The following PTGFRN variants were observed in gnomAD, a reference collection of about 807,000 sequenced individuals.
PTGFRN encodes the protein prostaglandin F2 receptor inhibitor.
PTGFRN carries 35 observed loss-of-function variants against 83.2 expected under a neutral mutation model. The ratio of observed to expected loss-of-function variants is 0.42; its 90% CI spans 0.32 to 0.56. The LOEUF (loss-of-function observed/expected upper bound fraction) is 0.56. Among genes scored for constraint, PTGFRN ranks in the 20% least tolerant of loss-of-function variants. PTGFRN has a pLI of 0.11. For missense variants in PTGFRN, 1,051 were observed against 1,179.5 expected (o/e 0.89, Z 1.60); for synonymous variants, 519 against 498.6 (o/e 1.04, Z -0.55).
chr1:116,957,853 G>C (rs1163532491), intron 4 of PTGFRN, among the ~76,000 whole-genome samples: 1 of 152,100 alleles, frequency 6.6e-6, no homozygotes, highest in Non-Finnish European at 1.5e-5. Flanking sequence ...ACATGCGAGT[G>C]ACATTATGTG....
At position 116,988,616 on chromosome 1, in the gene PTGFRN, G is replaced by T. The variant is rs567177369; in HGVS notation, c.*1649G>T. On this transcript the variant is annotated 3_prime_UTR_variant, in exon 9 of 9. Coordinates refer to ENST00000393203, the MANE Select transcript of PTGFRN (RefSeq NM_020440.4). ...AATACAAAATGATGGCCATTCATGT[G>T]CAGCTCTTTGTCACCATGGGCCGGA... 1 of 152,952 alleles carries T rather than the reference G, an allele frequency of 6.5e-6. No homozygotes were observed. The highest frequency in any genetic ancestry group is 2.1e-4 in the South Asian group (1 of 4,830). The allele number at this position is 152,952 out of a possible 1,614,324, so 9.5% of individuals were successfully genotyped here.
intron 1 of PTGFRN, among the ~76,000 whole-genome samples, chr1:116,920,941 A>C (rs1256544756): frequency 6.6e-6 from 1 of 152,190 alleles, no homozygotes; most frequent in Non-Finnish European, 1.5e-5. Flanking sequence ...TGAAATTCTG[A>C]CATCTCCAAC....
At chr1:116,959,645 T>G (rs530476230) in intron 4 of PTGFRN, among the ~76,000 whole-genome samples, 3 of 152,180 alleles carry the variant, frequency 2.0e-5, no homozygotes, top group African/African-American at 7.2e-5. Flanking sequence ...GTATTATTTT[T>G]CTCCCAGAAG....
rs1650560804 is a variant in PTGFRN, at chr1:116,958,567, T to TATATGA, written c.1214-2670_1214-2665dup. Among the ~76,000 whole-genome samples, 1 of 152,152 alleles carries TATATGA rather than the reference T, an allele frequency of 6.6e-6. No individual in the cohort carries two copies. The highest frequency in any genetic ancestry group is 1.5e-5 in the Non-Finnish European group (1 of 68,026). Reference sequence around the variant, plus strand: ...TCACAAATATATACACGTGTATGTGTATATGAATATGTGTGTACCTGCATA... The same window carrying TATATGA: ...TCACAAATATATACACGTGTATGTGTATATGAATATGAATATGTGTGTACCTGCATA... On this transcript the variant is annotated intron_variant, in intron 4 of 8. Transcript: ENST00000393203. This position sits in a 1 kb window ranked among gnomAD's most constrained non-coding sequence, Gnocchi z 4.9.
At chr1:116,928,628 A>C (rs1407229543) in intron 1 of PTGFRN, among the ~76,000 whole-genome samples, 1 of 151,754 alleles carries the variant, frequency 6.6e-6, no homozygotes, top group Admixed American at 6.6e-5. Context: ...TGGCATCTTT[A>C]CCGCAGCTCA....
intron 7 of PTGFRN, among the ~76,000 whole-genome samples, chr1:116,976,820 G>A (rs999397457): frequency 5.3e-5 from 8 of 152,110 alleles, no homozygotes; most frequent in South Asian, 2.1e-4. Context: ...ATCAAGTAAC[G>A]AGCAAAATAA....
In PTGFRN at chr1:116,990,089, G is replaced by A. The variant is rs1651675805; in HGVS notation, c.*3122G>A. On this transcript the variant is annotated 3_prime_UTR_variant, in exon 9 of 9. Transcript: ENST00000393203. ...GACAACAGAGGAAGAAGGGAACTGG[G>A]ATTTGGGTAAGTTCTCCTCCACTGT... The A allele has an allele frequency of 6.6e-6, 1 of 152,624 alleles. No individual in the cohort carries two copies. Among genetic ancestry groups the A allele is most frequent in the Non-Finnish European group, 1.5e-5 (1 of 68,030 alleles). The allele number at this position is 152,624 out of a possible 1,614,324, so 9.5% of individuals were successfully genotyped here. A position where few individuals can be genotyped will look rare whatever the true frequency, so the allele number is the denominator to read the frequency against.
intron 1 of PTGFRN, among the ~76,000 whole-genome samples, chr1:116,926,007 G>A (rs1426952338): frequency 2.0e-5 from 3 of 152,142 alleles, no homozygotes; most frequent in South Asian, 2.1e-4. Flanking sequence ...AGGGAAGCTC[G>A]GCATAGACCC....
intron 2 of PTGFRN, among the ~76,000 whole-genome samples, chr1:116,943,120 A>G (rs1386214026): frequency 2.6e-5 from 4 of 152,216 alleles, no homozygotes; most frequent in Non-Finnish European, 1.5e-5. Context: ...ATGATATAAA[A>G]AGCGAGGGTT....
At chr1:116,912,985 C>T (rs1210343163) in intron 1 of PTGFRN, among the ~76,000 whole-genome samples, 1 of 152,238 alleles carries the variant, frequency 6.6e-6, no homozygotes, top group Admixed American at 6.5e-5. Flanking sequence ...CATCCATTGC[C>T]TATGTCTGAC....
At chr1:116,944,283 C>A (rs1426874958) in intron 2 of PTGFRN, among the ~76,000 whole-genome samples, 1 of 152,224 alleles carries the variant, frequency 6.6e-6, no homozygotes, top group Non-Finnish European at 1.5e-5. Flanking sequence ...GAGTGCCAGG[C>A]ACGGTCCTGG....
intron 7 of PTGFRN, among the ~76,000 whole-genome samples, chr1:116,978,835 C>A (rs1651230964): frequency 6.6e-6 from 1 of 152,108 alleles, no homozygotes; most frequent in South Asian, 2.1e-4. Context: ...CCCTCTCTCA[C>A]CACTCCTATT....
chr1:116,927,705 A>T lies in PTGFRN; in HGVS notation c.50-14010A>T, dbSNP rs1053456182. Among the ~76,000 whole-genome samples, 87 of 143,274 alleles carry T rather than the reference A, an allele frequency of 6.1e-4. 1 individual carries two copies. The highest frequency in any genetic ancestry group is 1.0e-3 in the Non-Finnish European group (65 of 64,992). The allele number at this position is 143,274 out of a possible 152,430, so 94.0% of individuals were successfully genotyped here. On this transcript the variant is annotated intron_variant, in intron 1 of 8. Coordinates refer to ENST00000393203, the MANE Select transcript of PTGFRN (RefSeq NM_020440.4). The stretch of plus-strand genomic sequence containing the variant: ...CATGCCACCATGCCCAGCTAATTAA[A>T]TTTTTTTTTTTTTTATAGAGACGAG...
chr1:116,944,664 T>A lies in PTGFRN; in HGVS notation c.419-15T>A. The A allele has an allele frequency of 7.1e-7, 1 of 1,406,552 alleles. No individual in the cohort carries two copies. Among genetic ancestry groups the A allele is most frequent in the South Asian group, 1.7e-5 (1 of 57,410 alleles). 87.1% of individuals were successfully genotyped at this position (1,406,552 alleles called of 1,614,324 possible). On this transcript the variant is annotated splice_polypyrimidine_tract_variant and intron_variant, in intron 2 of 8. Transcript: ENST00000393203. ...GGTGTGGACGGGCTACTGACCTAGC[T>A]TTCTCTCTCCGCAGTGCTGGCCGAC...
intron 3 of PTGFRN, among the ~76,000 whole-genome samples, chr1:116,945,626 G>T (rs905742911): frequency 6.6e-6 from 1 of 152,138 alleles, no homozygotes; most frequent in Admixed American, 6.5e-5. Flanking sequence ...TTTCCTGGAA[G>T]GGGGAGGAGC....
intron 6 of PTGFRN, 50 bp from the exon 7 acceptor site, chr1:116,974,166 T>G (rs1190764288): frequency 2.1e-6 from 3 of 1,410,526 alleles, no homozygotes; most frequent in African/African-American, 2.8e-5. Flanking sequence ...GAATGGAATT[T>G]GACAAAAGCA....
intron 6 of PTGFRN, among the ~76,000 whole-genome samples, chr1:116,973,282 C>T (rs1651055417): frequency 1.3e-5 from 2 of 152,046 alleles, no homozygotes; most frequent in Admixed American, 6.6e-5. Context: ...TGAAAGTTTC[C>T]ATATACTCCC....
chr1:116,951,056 C>A (rs1394642122), intron 4 of PTGFRN, among the ~76,000 whole-genome samples: 3 of 152,176 alleles, frequency 2.0e-5, no homozygotes, highest in African/African-American at 4.8e-5. Flanking sequence ...GCTGTCAAAT[C>A]CCAGCACTGG....
At chr1:116,913,986 T>C (rs967722319) in intron 1 of PTGFRN, among the ~76,000 whole-genome samples, 1 of 152,216 alleles carries the variant, frequency 6.6e-6, no homozygotes, top group African/African-American at 2.4e-5. Context: ...ATTCAAATGA[T>C]ATAAAAGGAC....
Sources: gnomAD v4.1 joint callset for allele counts (sites outside exome capture counted in the v4.1 genomes callset) on GRCh38, gnomAD v4.1.1 for gene constraint, Gnocchi (gnomAD v3.1) non-coding constraint, MANE v1.5 for transcripts, NCBI Gene and HGNC (gene_info 2026-07-23, HGNC 2026-07-21) for gene names.